MB21D2: variants seen among roughly 807,000 people sequenced by gnomAD.
MB21D2 encodes nucleotidyltransferase MB21D2.
MB21D2 carries 9 observed loss-of-function variants against 33.3 expected under a neutral mutation model. The observed-to-expected ratio is 0.27, with a 90% confidence interval of 0.16 to 0.47. The LOEUF is 0.47. MB21D2 is among the 20% of genes least tolerant of loss of function. The pLI is 0.99. For synonymous variants in MB21D2, 241 were observed against 236.3 expected, an observed-to-expected ratio of 1.02 and a Z score of -0.18; for missense variants, 540 against 624.6, an observed-to-expected ratio of 0.86 and a Z score of 1.44.
chr3:192,887,842 G>A (rs563713321), intron 1 of MB21D2, among the ~76,000 whole-genome samples: 1 of 152,108 alleles, frequency 6.6e-6, no homozygotes, highest in South Asian at 2.1e-4. Context: ...ATGTGCATCT[G>A]AGTCACCCTG....
chr3:192,806,053 A>C (rs1238673365), intron 1 of MB21D2, among the ~76,000 whole-genome samples: 4 of 152,204 alleles, frequency 2.6e-5, no homozygotes, highest in Non-Finnish European at 5.9e-5. Flanking sequence ...GCTTCCTCTG[A>C]GTGAATGCCA....
chr3:192,800,587 A>G (rs1455278023), intron 1 of MB21D2, among the ~76,000 whole-genome samples: 1 of 152,188 alleles, frequency 6.6e-6, no homozygotes, highest in Non-Finnish European at 1.5e-5. Flanking sequence ...AAAATAAGTT[A>G]TTTTATTGAA....
At chr3:192,890,001 C>G (rs1408450416) in intron 1 of MB21D2, among the ~76,000 whole-genome samples, 1 of 152,012 alleles carries the variant, frequency 6.6e-6, no homozygotes, top group East Asian at 1.9e-4. Flanking sequence ...CCAGAAATAA[C>G]ACATGTCTAA....
In MB21D2 at chr3:192,798,684, A is replaced by C; in HGVS notation, c.1178T>G (p.Val393Gly). 4 of 1,613,410 alleles carry C rather than the reference A, an allele frequency of 2.5e-6. No individual in the cohort carries two copies. The highest frequency in any genetic ancestry group is 2.2e-5 in the East Asian group (1 of 44,882). Residue 393 changes from valine to glycine, a missense_variant, in exon 2 of 2, where the codon GTC (valine) becomes GGC (glycine). By Grantham distance (109) the Val-to-Gly change is moderately radical (BLOSUM62 -3). Coordinates refer to ENST00000392452, the MANE Select transcript of MB21D2 (RefSeq NM_178496.4). This position sits in a 1 kb window ranked among gnomAD's most constrained non-coding sequence, Gnocchi z 4.8. Reference protein sequence around the residue: ...NMLEHLSEETVMLHARKLSSV... With the variant: ...NMLEHLSEETGMLHARKLSSV... ...GGACAGCTTCCGGGCGTGAAGCATG[A>C]CTGTCTCCTCAGACAGATGTTCCAG... is the stretch of plus-strand genomic sequence containing the variant.
intron 1 of MB21D2, among the ~76,000 whole-genome samples, chr3:192,834,417 A>G (rs1712388325): frequency 1.1e-5 from 1 of 89,220 alleles, no homozygotes. Flanking sequence ...TTCCCCAGTT[A>G]TATCAAAAAA....
intron 1 of MB21D2, among the ~76,000 whole-genome samples, chr3:192,824,924 T>C (rs1401512316): frequency 6.6e-6 from 1 of 152,194 alleles, no homozygotes; most frequent in Non-Finnish European, 1.5e-5. Context: ...ATCCAAACTC[T>C]TCTTCCTCTC....
intron 1 of MB21D2, among the ~76,000 whole-genome samples, chr3:192,875,446 G>C (rs985573023): frequency 2.0e-5 from 3 of 152,218 alleles, no homozygotes; most frequent in African/African-American, 7.2e-5. Context: ...AGGATGAAAA[G>C]AACATAAAGC....
intron 1 of MB21D2, among the ~76,000 whole-genome samples, chr3:192,915,278 C>T (rs1292844930): frequency 6.6e-6 from 1 of 152,112 alleles, no homozygotes; most frequent in Non-Finnish European, 1.5e-5. Flanking sequence ...ATCAAAGAAC[C>T]AAAGCTATGG....
intron 1 of MB21D2, among the ~76,000 whole-genome samples, chr3:192,912,452 T>C (rs1175343943): frequency 2.6e-5 from 4 of 152,142 alleles, no homozygotes. Flanking sequence ...GTGGATCACC[T>C]GAGGTCAGGA....
intron 1 of MB21D2, 107 bp downstream of exon 1, chr3:192,917,523 G>T: frequency 8.1e-7 from 1 of 1,234,960 alleles, no homozygotes. Context: ...CACCGGCTCG[G>T]GAAGGCAACC....
chr3:192,864,477 C>G lies in MB21D2; in HGVS notation c.211+53153G>C, dbSNP rs531041368. Among the ~76,000 whole-genome samples, 43 of 152,262 alleles carry G rather than the reference C, an allele frequency of 2.8e-4. No homozygotes were observed. The South Asian group carries it at 4.6e-3, about 16-fold the overall frequency. ...CCTTCTCCCTTGCCCTCCTAAAGAA[C>G]TGGAATTACAAGTGTGAACCACCGT... On this transcript the variant is annotated intron_variant, in intron 1 of 1. Transcript: ENST00000392452.
At chr3:192,848,943 G>A (rs1712728559) in intron 1 of MB21D2, among the ~76,000 whole-genome samples, 1 of 152,176 alleles carries the variant, frequency 6.6e-6, no homozygotes, top group South Asian at 2.1e-4. Context: ...GGGCCCCTGG[G>A]AACTTGACAG....
chr3:192,887,368 T>C lies in MB21D2; in HGVS notation c.211+30262A>G, dbSNP rs112256337. ...AAGGAAAAAAGACGTTGCTTAATATTTATACAGTTTCAGTTTTACAAGATG... is the reference window on the plus strand; with the variant it reads ...AAGGAAAAAAGACGTTGCTTAATATCTATACAGTTTCAGTTTTACAAGATG... On this transcript the variant is annotated intron_variant, in intron 1 of 1. Coordinates refer to ENST00000392452, the MANE Select transcript of MB21D2 (RefSeq NM_178496.4). Among the ~76,000 whole-genome samples, 401 of 152,238 alleles carry C rather than the reference T, an allele frequency of 2.6e-3. 7 individuals carry two copies. Among genetic ancestry groups the C allele is most frequent in the African/African-American group, 9.4e-3 (389 of 41,474 alleles).
intron 1 of MB21D2, among the ~76,000 whole-genome samples, chr3:192,873,392 G>A (rs1215524698): frequency 6.6e-6 from 1 of 152,136 alleles, no homozygotes; most frequent in South Asian, 2.1e-4. Context: ...TATGATACTA[G>A]GGTAAAGGGG....
chr3:192,893,257 C>T (rs1416640515), intron 1 of MB21D2, among the ~76,000 whole-genome samples: 6 of 152,168 alleles, frequency 3.9e-5, no homozygotes, highest in Admixed American at 1.3e-4. Flanking sequence ...TTTACTTCTT[C>T]GAATGAGAAC....
chr3:192,864,320 G>A (rs1713120691), intron 1 of MB21D2, among the ~76,000 whole-genome samples: 2 of 152,290 alleles, frequency 1.3e-5, no homozygotes, highest in South Asian at 2.1e-4. Flanking sequence ...CAGTTTGTGT[G>A]TGAACTGGTC....
At chr3:192,810,796 C>G (rs1310992871) in intron 1 of MB21D2, among the ~76,000 whole-genome samples, 1 of 152,216 alleles carries the variant, frequency 6.6e-6, no homozygotes, top group Admixed American at 6.5e-5. Flanking sequence ...AGTATAACCA[C>G]CATTCTCATA....
At chr3:192,906,480 C>A (rs1270075171) in intron 1 of MB21D2, among the ~76,000 whole-genome samples, 1 of 152,028 alleles carries the variant, frequency 6.6e-6, no homozygotes, top group Admixed American at 6.6e-5. Flanking sequence ...CAAGTTTACC[C>A]CTCACCTCAG....
In MB21D2 at chr3:192,799,658, TAAAG is replaced by T. The variant is rs1475348343; in HGVS notation, c.212-12_212-9del. 1.2e-6 allele frequency: 2 copies of T among 1,601,644 alleles called. No homozygotes were observed. Among genetic ancestry groups the T allele is most frequent in the African/African-American group, 1.4e-5 (1 of 73,762 alleles). The stretch of plus-strand genomic sequence containing the variant: ...CCAGCTTTTGCACCATTCCTGGAAA[TAAAG>T]AAGAAAAAAACAACACTATTACAGG... On this transcript the variant is annotated splice_polypyrimidine_tract_variant and intron_variant, in intron 1 of 1. Transcript: ENST00000392452. This position sits in a 1 kb window ranked among gnomAD's most constrained non-coding sequence, Gnocchi z 4.1.
Sources: gnomAD v4.1 joint callset for allele counts (sites outside exome capture counted in the v4.1 genomes callset) on GRCh38, gnomAD v4.1.1 for gene constraint, Gnocchi (gnomAD v3.1) non-coding constraint, MANE v1.5 for transcripts, NCBI Gene and HGNC (gene_info 2026-07-23, HGNC 2026-07-21) for gene names.